Variants in MACROD1 observed in about 807,000 individuals in gnomAD.
MACROD1 encodes the protein mono-ADP ribosylhydrolase 1.
A neutral mutation model predicts 41.4 loss-of-function variants in MACROD1; 31 were observed. That is an observed-to-expected ratio of 0.75 (90% CI 0.56 to 1.01). MACROD1 has a LOEUF of 1.01. Among genes scored for constraint, MACROD1 ranks in the 50% least tolerant of loss-of-function variants. The pLI, the probability that MACROD1 is intolerant of heterozygous loss-of-function variation, is 0.00. For missense variants in MACROD1, 473 were observed against 460.0 expected (o/e 1.03, Z -0.26); for synonymous variants, 252 against 203.4 (o/e 1.24, Z -2.03).
At chr11:64,047,472 G>T (rs1943606625) in intron 3 of MACROD1, among the ~76,000 whole-genome samples, 1 of 152,154 alleles carries the variant, frequency 6.6e-6, no homozygotes, top group South Asian at 2.1e-4. Context: ...AGCAGGTGGA[G>T]GAGTGACCAG....
chr11:64,071,620 G>A (rs376155120), intron 3 of MACROD1, among the ~76,000 whole-genome samples: 16 of 152,110 alleles, frequency 1.1e-4, no homozygotes, highest in African/African-American at 3.6e-4. Context: ...AGGTTCTGTC[G>A]TATCACCTCT....
In MACROD1 at chr11:64,070,815, A is replaced by G. The variant is rs185139591; in HGVS notation, c.518-55534T>C. 3.5e-4 allele frequency among the ~76,000 whole-genome samples: 53 copies of G among 152,328 alleles called. 1 individual carries two copies. Among genetic ancestry groups the G allele is most frequent in the Admixed American group, 2.9e-3 (44 of 15,298 alleles). On this transcript the variant is annotated intron_variant, in intron 3 of 10. Coordinates refer to ENST00000255681, the MANE Select transcript of MACROD1 (RefSeq NM_014067.4). ...GGTGGGAGACGAGGCGTGAACAATA[A>G]TAGTTTTTTGCTCTTTCTCGTTTTG...
At chr11:64,025,171 G>C (rs546889975) in intron 3 of MACROD1, among the ~76,000 whole-genome samples, 82 of 152,210 alleles carry the variant, frequency 5.4e-4, no homozygotes, top group African/African-American at 1.9e-3. Flanking sequence ...TAGAGACGGG[G>C]TTTCACCATG....
Position 64,000,352 on chromosome 11 carries a change from A to T in MACROD1, c.548-9T>A. 1 of 1,552,104 alleles carries T rather than the reference A, an allele frequency of 6.4e-7. No homozygotes were observed. The highest frequency in any genetic ancestry group is 8.7e-7 in the Non-Finnish European group (1 of 1,149,508). ...ATGAATGCAGCCGTCCACTGCGGGA[A>T]GGGCGGGCGCGACTGAGCTGGCCTG... is the stretch of plus-strand genomic sequence containing the variant. On this transcript the variant is annotated splice_polypyrimidine_tract_variant and intron_variant, in intron 4 of 10. Coordinates refer to ENST00000255681, the MANE Select transcript of MACROD1 (RefSeq NM_014067.4).
chr11:64,061,246 A>T (rs1943897393), intron 3 of MACROD1, among the ~76,000 whole-genome samples: 1 of 152,252 alleles, frequency 6.6e-6, no homozygotes, highest in Non-Finnish European at 1.5e-5. Flanking sequence ...TCTGGCGATC[A>T]CGCGGTGTAA....
intron 3 of MACROD1, among the ~76,000 whole-genome samples, chr11:64,144,338 C>T (rs947954257): frequency 6.6e-6 from 1 of 152,210 alleles, no homozygotes; most frequent in Non-Finnish European, 1.5e-5. Context: ...TGTGTTACCC[C>T]TTATCCGGAA....
chr11:64,089,579 GA>G (rs1318389398), intron 3 of MACROD1, among the ~76,000 whole-genome samples: 1 of 152,240 alleles, frequency 6.6e-6, no homozygotes, highest in East Asian at 1.9e-4. Context: ...ACGGACCAGA[GA>G]AAGCGGCTGA....
At chr11:64,092,289 T>C (rs1944504506) in intron 3 of MACROD1, among the ~76,000 whole-genome samples, 1 of 152,148 alleles carries the variant, frequency 6.6e-6, no homozygotes, top group African/African-American at 2.4e-5. Flanking sequence ...ATGGGGAGAA[T>C]TAGTATTCCA....
At chr11:64,001,078 G>C (rs1942817160) in intron 4 of MACROD1, 1 of 266,822 alleles carries the variant, frequency 3.7e-6, no homozygotes, top group Non-Finnish European at 7.2e-6. Context: ...CGGCTGCAGG[G>C]CCTCGCGAGC....
At chr11:64,008,634 C>T (rs1025602650) in intron 4 of MACROD1, among the ~76,000 whole-genome samples, 1 of 152,148 alleles carries the variant, frequency 6.6e-6, no homozygotes, top group Non-Finnish European at 1.5e-5. Flanking sequence ...ACCCTAGCTT[C>T]TCTTGGGCGG....
chr11:64,037,114 T>C (rs931787507), intron 3 of MACROD1, among the ~76,000 whole-genome samples: 1 of 151,934 alleles, frequency 6.6e-6, no homozygotes, highest in South Asian at 2.1e-4. Flanking sequence ...AGAGCTCTGA[T>C]GTGAATAAAT....
At position 64,140,946 on chromosome 11, in the gene MACROD1, G is replaced by A. The variant is rs112469059; in HGVS notation, c.517+10293C>T. Among the ~76,000 whole-genome samples the A allele has an allele frequency of 9.7e-3, 1,484 of 152,284 alleles. 12 individuals carry two copies. Among genetic ancestry groups the A allele is most frequent in the Non-Finnish European group, 0.014 (960 of 68,022 alleles). The stretch of plus-strand genomic sequence containing the variant: ...GCCCAGGAGTTTGAGACCAGCCTGG[G>A]CAATATGGTGTAAATCCACTTCTAC... On this transcript the variant is annotated intron_variant, in intron 3 of 10. Transcript: ENST00000255681.
chr11:64,067,921 G>A lies in MACROD1; in HGVS notation c.518-52640C>T, dbSNP rs1372342291. ...TCGCTCGGCTTTTAGGAGGGGGCTG[G>A]CGGTGAACCCATCCCCGTTACAATG... On this transcript the variant is annotated intron_variant, in intron 3 of 10. Transcript: ENST00000255681. This position sits in a 1 kb window ranked among gnomAD's most constrained non-coding sequence, Gnocchi z 4.6. Among the ~76,000 whole-genome samples, 1 of 152,088 alleles carries A rather than the reference G, an allele frequency of 6.6e-6. No homozygotes were observed. Among genetic ancestry groups the A allele is most frequent in the Admixed American group, 6.5e-5 (1 of 15,276 alleles).
In MACROD1 at chr11:64,118,293, T is replaced by G. The variant is rs1423042012; in HGVS notation, c.517+32946A>C. The stretch of plus-strand genomic sequence containing the variant: ...CGACATAGACTACTCCTACACATGA[T>G]GCCCGCCCACCCGGGCTGCCCCGCC... On this transcript the variant is annotated intron_variant, in intron 3 of 10. Transcript: ENST00000255681. 5 of 1,552,284 alleles carry G rather than the reference T, an allele frequency of 3.2e-6. No homozygotes were observed. In the African/African-American group the frequency reaches 5.4e-5, roughly 17 times the overall value.
In MACROD1 at chr11:64,053,800, C is replaced by T. The variant is rs527481730; in HGVS notation, c.518-38519G>A. On this transcript the variant is annotated intron_variant, in intron 3 of 10. Coordinates refer to ENST00000255681, the MANE Select transcript of MACROD1 (RefSeq NM_014067.4). ...GGGGTTGAGCCCTATAGCGGCATCC[C>T]GAGCCCCTTGCCTGCCCGCAGATGG... Among the ~76,000 whole-genome samples, 13 of 152,272 alleles carry T rather than the reference C, an allele frequency of 8.5e-5. No homozygotes were observed. The South Asian group carries it at 1.2e-3, about 15-fold the overall frequency.
chr11:64,110,690 T>C (rs916680236), intron 3 of MACROD1, among the ~76,000 whole-genome samples: 1 of 152,106 alleles, frequency 6.6e-6, no homozygotes, highest in Non-Finnish European at 1.5e-5. Flanking sequence ...CTGTCAGTCA[T>C]GGAGCTGGCA....
chr11:64,149,926 G>A (rs1590970328), intron 3 of MACROD1, among the ~76,000 whole-genome samples: 1 of 152,214 alleles, frequency 6.6e-6, no homozygotes, highest in South Asian at 2.1e-4. Context: ...TCTCATCCTA[G>A]TGGCCCTAGA....
intron 3 of MACROD1, among the ~76,000 whole-genome samples, chr11:64,129,932 G>T (rs1434065302): frequency 6.6e-6 from 1 of 152,272 alleles, no homozygotes; most frequent in Admixed American, 6.5e-5. Context: ...AAGAGGACCG[G>T]GTGGTTGGGG....
At chr11:64,164,436 C>T (rs1220149657) in intron 1 of MACROD1, among the ~76,000 whole-genome samples, 2 of 152,224 alleles carry the variant, frequency 1.3e-5, no homozygotes, top group African/African-American at 4.8e-5. Context: ...GGGTTGTTGT[C>T]CTCTGAGAGA....
Sources: gnomAD v4.1 joint callset for allele counts (sites outside exome capture counted in the v4.1 genomes callset) on GRCh38, gnomAD v4.1.1 for gene constraint, Gnocchi (gnomAD v3.1) non-coding constraint, MANE v1.5 for transcripts, NCBI Gene and HGNC (gene_info 2026-07-23, HGNC 2026-07-21) for gene names.